Variants in F13B observed in about 807,000 individuals in gnomAD.
The protein encoded by F13B is coagulation factor XIII B chain.
In F13B, 58 loss-of-function variants were observed where a neutral mutation model predicts 79.8. The observed-to-expected ratio is 0.73, with a 90% CI of 0.59 to 0.90. The LOEUF is 0.90. F13B is among the 40% of genes least tolerant of loss of function. The pLI is 0.00. For synonymous variants in F13B, 283 were observed against 260.3 expected, an observed-to-expected ratio of 1.09 and a Z score of -0.84; for missense variants, 773 against 777.0, an observed-to-expected ratio of 0.99 and a Z score of 0.06.
intron 8 of F13B, among the ~76,000 whole-genome samples, chr1:197,054,937 A>C (rs1280855287): frequency 6.6e-6 from 1 of 152,102 alleles, no homozygotes; most frequent in Non-Finnish European, 1.5e-5. Context: ...ACAAAGATTT[A>C]CTTGAAAGTG....
In F13B at chr1:197,050,815, T is replaced by A; in HGVS notation, c.1620A>T (p.Val540=). 6.2e-7 allele frequency: 1 copy of A among 1,613,330 alleles called. No individual in the cohort carries two copies. Among genetic ancestry groups the A allele is most frequent in the Non-Finnish European group, 8.5e-7 (1 of 1,179,548 alleles). Residue 540 remains valine (V), a synonymous_variant, in exon 10 of 12, where the codon GTA becomes GTT. Coordinates refer to ENST00000367412, the MANE Select transcript of F13B (RefSeq NM_001994.3). ...CTGAAGAGCCATTTTCATAGGTGTCTACTGTTGAACTAATAATGACTCCAT... is the reference window on the plus strand; with the variant it reads ...CTGAAGAGCCATTTTCATAGGTGTCAACTGTTGAACTAATAATGACTCCAT... ...IKHGVIISST[V]DTYENGSSVE... is the part of the protein sequence containing the mutation.
rs764878397 is a variant in F13B at position 197,044,311 on chromosome 1, G to A, written c.1739-3576C>T. On this transcript the variant is annotated intron_variant, in intron 10 of 11. Coordinates refer to ENST00000367412, the MANE Select transcript of F13B (RefSeq NM_001994.3). The stretch of plus-strand genomic sequence containing the variant: ...TGAGATCAACCTGTGACACGACAGC[G>A]TTATGGGGGGAGGGTCGTCTACTAT... Among the ~76,000 whole-genome samples the A allele has an allele frequency of 4.6e-5, 7 of 151,998 alleles. No homozygotes were observed. The East Asian group carries it at 9.7e-4, about 21-fold the overall frequency.
At chr1:197,064,889 T>G (rs1173869719) in intron 1 of F13B, among the ~76,000 whole-genome samples, 1 of 152,146 alleles carries the variant, frequency 6.6e-6, no homozygotes, top group Non-Finnish European at 1.5e-5. Context: ...CCAGTGTGAT[T>G]ACTACGGCTT....
intron 1 of F13B, 129 bp from the exon 2 acceptor site, chr1:197,063,186 T>A: frequency 1.3e-6 from 1 of 771,308 alleles, no homozygotes. Context: ...CTTACTTAAA[T>A]TTTTAAGGTA....
Position 197,060,883 on chromosome 1 carries a change from C to T in F13B, c.628+16G>A. The T allele has an allele frequency of 6.2e-7, 1 of 1,609,688 alleles. No homozygotes were observed. Among genetic ancestry groups the T allele is most frequent in the Middle Eastern group, 1.7e-4 (1 of 6,038 alleles). Reference sequence around the variant, plus strand: ...TTTCAGAGTGAGAGTAGATTTTATTCCAAATGAGAACCTACTGGTACATTT... The same window carrying T: ...TTTCAGAGTGAGAGTAGATTTTATTTCAAATGAGAACCTACTGGTACATTT... On this transcript the variant is annotated intron_variant, in intron 4 of 11. Transcript: ENST00000367412.
At chr1:197,047,147 A>G (rs952953250) in intron 10 of F13B, among the ~76,000 whole-genome samples, 7 of 152,214 alleles carry the variant, frequency 4.6e-5, no homozygotes, top group Non-Finnish European at 8.8e-5. Context: ...AACAAAAGCC[A>G]AAATAGACAA....
chr1:197,051,457 C>A (rs541549944), intron 9 of F13B, among the ~76,000 whole-genome samples: 1 of 152,092 alleles, frequency 6.6e-6, no homozygotes, highest in East Asian at 1.9e-4. Context: ...AAGTAATAGT[C>A]CCTATAGCCA....
rs1658850889 is a variant in F13B, at chr1:197,061,317, C to T, written c.452-242G>A. On this transcript the variant is annotated intron_variant, in intron 3 of 11. Transcript: ENST00000367412. ...AAGTGCTTGACCAAAGGCCAAAATT[C>T]AACTAAAGGCTTGTGCAGTAGCAAT... Among the ~76,000 whole-genome samples the T allele has an allele frequency of 2.0e-5, 3 of 152,090 alleles. No individual in the cohort carries two copies. The South Asian group carries it at 6.2e-4, about 31-fold the overall frequency.
chr1:197,058,726 C>T (rs1308785356), intron 5 of F13B, among the ~76,000 whole-genome samples: 2 of 152,012 alleles, frequency 1.3e-5, no homozygotes, highest in Non-Finnish European at 2.9e-5. Flanking sequence ...GTGTCTTGTA[C>T]CGTGTAAGGT....
At chr1:197,042,817 TAA>T (rs896748673) in intron 10 of F13B, among the ~76,000 whole-genome samples, 7 of 134,262 alleles carry the variant, frequency 5.2e-5, no homozygotes, top group Non-Finnish European at 6.5e-5. Flanking sequence ...GGAGACTGTC[TAA>T]AAAAAAAAAA....
intron 8 of F13B, 36 bp from the exon 9 acceptor site, chr1:197,052,870 G>T (rs1454157081): frequency 1.3e-6 from 2 of 1,510,690 alleles, no homozygotes; most frequent in South Asian, 2.3e-5. Flanking sequence ...TTCTTTACTT[G>T]TCTGACAAAT....
rs775799552 is a variant in F13B, at chr1:197,057,113, C to T, written c.1071G>A (p.Gly357=). Reference sequence around the variant, plus strand: ...TTTTACATGCATATGTCACTTTATCCCCATTGTAATAAATCTTAGAGTGTA... The same window carrying T: ...TTTTACATGCATATGTCACTTTATCTCCATTGTAATAAATCTTAGAGTGTA... ...ANLHSKIYYN[G]DKVTYACKSG... Residue 357 remains glycine (G), a synonymous_variant, in exon 7 of 12, where the codon GGG becomes GGA. Transcript: ENST00000367412. The T allele has an allele frequency of 2.5e-6, 4 of 1,613,662 alleles. No individual in the cohort carries two copies. Among genetic ancestry groups the T allele is most frequent in the South Asian group, 2.2e-5 (2 of 91,078 alleles).
Position 197,052,635 on chromosome 1 carries a change from T to A in F13B, c.1554A>T (p.Lys518Asn), listed in dbSNP as rs1403476214. 2 of 1,605,580 alleles carry A rather than the reference T, an allele frequency of 1.2e-6. No individual in the cohort carries two copies. Among genetic ancestry groups the A allele is most frequent in the Non-Finnish European group, 1.7e-6 (2 of 1,174,024 alleles). The change falls in exon 9 of 12, where the codon AAA (lysine) becomes AAT (asparagine). Residue 518 changes from lysine to asparagine, a missense_variant and splice_region_variant. Coordinates refer to ENST00000367412, the MANE Select transcript of F13B (RefSeq NM_001994.3). The stretch of plus-strand genomic sequence containing the variant: ...TTGCAGAGAACATTATTATTTTACC[T>A]TTTCTAGTACATAAAGGATATTTCA... ...GEVKYPLCTR[K>N]ESKGMCTSPP... is the part of the protein sequence containing the mutation.
At chr1:197,060,326 A>C in intron 5 of F13B, 40 bp downstream of exon 5, 1 of 1,513,566 alleles carries the variant, frequency 6.6e-7, no homozygotes, top group Non-Finnish European at 9.2e-7. Flanking sequence ...AAAGCTGATA[A>C]AGACATGGCA....
intron 1 of F13B, 126 bp downstream of exon 1, chr1:197,067,034 A>C (rs1411973214): frequency 1.0e-5 from 5 of 493,620 alleles, no homozygotes; most frequent in Non-Finnish European, 1.8e-5. Context: ...AAAAAGTTAT[A>C]TTTATAAAAT....
intron 8 of F13B, among the ~76,000 whole-genome samples, chr1:197,054,798 T>A (rs1655575898): frequency 6.6e-6 from 1 of 151,978 alleles, no homozygotes; most frequent in Non-Finnish European, 1.5e-5. Context: ...CTACTTTAAT[T>A]CACTTATGGT....
Position 197,039,243 on chromosome 1 carries a change from T to C in F13B, c.*135A>G, listed in dbSNP as rs1571545520. ...TTTTCATTTATAAATAACGAAATGT[T>C]CAGCACAAATAATTTAGATTCAAAT... is the stretch of plus-strand genomic sequence containing the variant. On this transcript the variant is annotated 3_prime_UTR_variant, in exon 12 of 12. Coordinates refer to ENST00000367412, the MANE Select transcript of F13B (RefSeq NM_001994.3). The C allele has an allele frequency of 1.4e-6, 1 of 737,482 alleles. No homozygotes were observed. Among genetic ancestry groups the C allele is most frequent in the East Asian group, 2.5e-5 (1 of 39,606 alleles). The allele number at this position is 737,482 out of a possible 1,614,324, so 45.7% of individuals were successfully genotyped here.
intron 8 of F13B, among the ~76,000 whole-genome samples, chr1:197,054,644 A>T (rs989678243): frequency 2.0e-5 from 3 of 151,908 alleles, no homozygotes; most frequent in African/African-American, 4.8e-5. Context: ...TAATTCATGT[A>T]AAAAAACCTG....
At chr1:197,047,787 A>T (rs1452395298) in intron 10 of F13B, among the ~76,000 whole-genome samples, 1 of 152,190 alleles carries the variant, frequency 6.6e-6, no homozygotes, top group Non-Finnish European at 1.5e-5. Flanking sequence ...TGGCACATAC[A>T]CACCATGGAA....
Sources: allele counts gnomAD v4.1 joint callset (sites outside exome capture counted in the v4.1 genomes callset), GRCh38; gene constraint gnomAD v4.1.1; transcripts MANE v1.5; gene names NCBI Gene and HGNC (gene_info 2026-07-23, HGNC 2026-07-21).